The following ZNF626 variants were observed in gnomAD, a reference collection of about 807,000 sequenced individuals.
ZNF626 encodes the protein CTC-513N18.7.
A neutral mutation model predicts 11.7 loss-of-function variants in ZNF626; 4 were observed. That is an observed-to-expected ratio of 0.34 (90% CI 0.17 to 0.78). The LOEUF is 0.78. Among genes scored for constraint, ZNF626 ranks in the 30% least tolerant of loss-of-function variants. The pLI, the probability that ZNF626 is intolerant of heterozygous loss-of-function variation, is 0.57. For missense variants in ZNF626, 588 were observed against 587.1 expected, an observed-to-expected ratio of 1.00 and a Z score of -0.01; for synonymous variants, 179 against 198.6, an observed-to-expected ratio of 0.90 and a Z score of 0.83.
chr19:20,650,404 A>AGAGAATAGAAT (rs1970133763), intron 1 of ZNF626, among the ~76,000 whole-genome samples: 2 of 152,214 alleles, frequency 1.3e-5, no homozygotes, highest in Non-Finnish European at 2.9e-5. Context: ...ATGGAAAACA[A>AGAGAATAGAAT]GTCCCTAAAT....
At chr19:20,653,387 T>C (rs1245517048) in intron 1 of ZNF626, among the ~76,000 whole-genome samples, 4 of 152,124 alleles carry the variant, frequency 2.6e-5, no homozygotes, top group South Asian at 4.1e-4. Context: ...CCATAATTAG[T>C]TCACAAGTAG....
intron 3 of ZNF626, chr19:20,645,359 CA>C: frequency 6.3e-7 from 1 of 1,578,186 alleles, no homozygotes; most frequent in Non-Finnish European, 8.5e-7. Context: ...TTGTGCGTCC[CA>C]AAAATTATGG....
Position 20,646,421 on chromosome 19 carries a change from A to G in ZNF626, c.4-16T>C, listed in dbSNP as rs782496026. On this transcript the variant is annotated splice_polypyrimidine_tract_variant and intron_variant, in intron 1 of 3. Transcript: ENST00000601440. The stretch of plus-strand genomic sequence containing the variant: ...GCAATGGTCCCTGAAAAACACACAC[A>G]CACACATTTTTACCAAGTGGCCATG... The G allele has an allele frequency of 5.0e-6, 8 of 1,613,724 alleles. No homozygotes were observed. The African/African-American group carries it at 9.3e-5, about 19-fold the overall frequency.
Position 20,646,262 on chromosome 19 carries a change from A to G in ZNF626, c.130+17T>C. ...ATAAAATCTATAGGGTATATTATGT[A>G]CTCAAGTTATCCTCACCAAGGAAGA... On this transcript the variant is annotated intron_variant, in intron 2 of 3. Coordinates refer to ENST00000601440, the MANE Select transcript of ZNF626 (RefSeq NM_001076675.3). The G allele has an allele frequency of 6.2e-7, 1 of 1,610,538 alleles. No individual in the cohort carries two copies.
chr19:20,630,345 G>C (rs1266385533), intron 3 of ZNF626, among the ~76,000 whole-genome samples: 32 of 152,280 alleles, frequency 2.1e-4, no homozygotes, highest in African/African-American at 7.7e-4. Flanking sequence ...AATAGTTTCA[G>C]AAGGAATGGT....
At position 20,621,953 on chromosome 19, in the gene ZNF626, G is replaced by A. The variant is rs1324261442; in HGVS notation, c.*2337C>T. ...TATAATCCCAACACTTTGAGAGCCT[G>A]AGGTGGGTGGATCGCTTGAGCTCAG... On this transcript the variant is annotated 3_prime_UTR_variant, in exon 4 of 4. Coordinates refer to ENST00000601440, the MANE Select transcript of ZNF626 (RefSeq NM_001076675.3). 2 of 152,234 alleles carry A rather than the reference G, an allele frequency of 1.3e-5. No homozygotes were observed. Among genetic ancestry groups the A allele is most frequent in the Non-Finnish European group, 2.9e-5 (2 of 68,058 alleles). 9.4% of individuals were successfully genotyped at this position (152,234 alleles called of 1,614,324 possible).
intron 3 of ZNF626, chr19:20,644,777 T>C (rs188199616): frequency 1.3e-5 from 2 of 152,228 alleles, no homozygotes; most frequent in East Asian, 3.9e-4. Context: ...ATACACTCAG[T>C]AAATTAGCAA....
chr19:20,631,274 TA>T (rs1166220458), intron 3 of ZNF626, among the ~76,000 whole-genome samples: 1 of 152,050 alleles, frequency 6.6e-6, no homozygotes, highest in Admixed American at 6.6e-5. Flanking sequence ...GAGAGTTCTA[TA>T]AATGTCTATT....
At chr19:20,626,574 TG>T (rs1969835896) in intron 3 of ZNF626, among the ~76,000 whole-genome samples, 3 of 151,350 alleles carry the variant, frequency 2.0e-5, no homozygotes, top group Non-Finnish European at 4.4e-5. Context: ...AAAAACTAGC[TG>T]GGCATGGTGG....
chr19:20,642,990 G>A (rs1244435635), intron 3 of ZNF626, among the ~76,000 whole-genome samples: 1 of 147,532 alleles, frequency 6.8e-6, no homozygotes, highest in African/African-American at 2.5e-5. Flanking sequence ...CAGTCTGGAT[G>A]AGAGAGGGTA....
At position 20,624,064 on chromosome 19, in the gene ZNF626, G is replaced by A. The variant is rs781846429; in HGVS notation, c.*226C>T. 2.5e-6 allele frequency: 2 copies of A among 788,804 alleles called. No homozygotes were observed. The allele number at this position is 788,804 out of a possible 1,614,324, so 48.9% of individuals were successfully genotyped here. A position where few individuals can be genotyped will look rare whatever the true frequency, so the allele number is the denominator to read the frequency against. On this transcript the variant is annotated 3_prime_UTR_variant, in exon 4 of 4. Transcript: ENST00000601440. ...TATCTTATGTGCAGTAAGGTGTGAG[G>A]ATAGGTGAAAAGCTTTACCACATTA... is the stretch of plus-strand genomic sequence containing the variant.
At chr19:20,626,766 G>T (rs1276578791) in intron 3 of ZNF626, among the ~76,000 whole-genome samples, 1 of 151,852 alleles carries the variant, frequency 6.6e-6, no homozygotes, top group Non-Finnish European at 1.5e-5. Context: ...TGTAATCGCA[G>T]CAACTTAGGA....
chr19:20,638,690 C>A (rs1286609228), intron 3 of ZNF626, among the ~76,000 whole-genome samples: 2 of 151,722 alleles, frequency 1.3e-5, no homozygotes, highest in Admixed American at 6.6e-5. Flanking sequence ...TATATTATGA[C>A]AAAGTTAGTT....
intron 1 of ZNF626, among the ~76,000 whole-genome samples, chr19:20,653,660 AAAAAAAG>A (rs1555772817): frequency 2.5e-4 from 24 of 94,778 alleles, no homozygotes; most frequent in African/African-American, 2.2e-3. Flanking sequence ...AAAGAAAAAG[AAAAAAAG>A]AAAAAGAAAG....
intron 3 of ZNF626, among the ~76,000 whole-genome samples, chr19:20,626,325 C>T (rs1456576231): frequency 6.6e-6 from 1 of 151,996 alleles, no homozygotes; most frequent in Non-Finnish European, 1.5e-5. Context: ...TCAAAGATTA[C>T]AATAAATACA....
intron 3 of ZNF626, among the ~76,000 whole-genome samples, chr19:20,637,188 A>C (rs2144776041): frequency 6.6e-6 from 1 of 152,268 alleles, no homozygotes; most frequent in African/African-American, 2.4e-5. Flanking sequence ...AAAAAACAAT[A>C]TGTAAATGTG....
chr19:20,627,126 A>G (rs1969844945), intron 3 of ZNF626, among the ~76,000 whole-genome samples: 1 of 132,180 alleles, frequency 7.6e-6, no homozygotes, highest in South Asian at 2.1e-4. Flanking sequence ...TAGCAAAAAA[A>G]CAAAAATTGT....
intron 3 of ZNF626, among the ~76,000 whole-genome samples, chr19:20,637,125 A>C (rs964194677): frequency 1.3e-5 from 2 of 152,062 alleles, no homozygotes; most frequent in Admixed American, 6.6e-5. Context: ...CAAAACAAAA[A>C]ACAAAATCGA....
chr19:20,659,475 C>T (rs552938985), intron 1 of ZNF626, among the ~76,000 whole-genome samples: 3 of 152,086 alleles, frequency 2.0e-5, no homozygotes, highest in African/African-American at 4.8e-5. Flanking sequence ...TCCTGACTTG[C>T]GGTGATCCGT....
Sources: gnomAD v4.1 joint callset for allele counts (sites outside exome capture counted in the v4.1 genomes callset) on GRCh38, gnomAD v4.1.1 for gene constraint, MANE v1.5 for transcripts, NCBI Gene and HGNC (gene_info 2026-07-23, HGNC 2026-07-21) for gene names.